KCNK9: variants seen among roughly 807,000 people sequenced by gnomAD.
KCNK9 encodes the protein potassium two pore domain channel subfamily K member 9, also known as potassium channel subfamily K member 9.
Under a neutral mutation model 10.8 loss-of-function variants are expected in KCNK9, and 1 was observed. That is an observed-to-expected ratio of 0.09 (90% CI 0.03 to 0.44). The LOEUF (loss-of-function observed/expected upper bound fraction) is 0.44. Ranked by LOEUF, KCNK9 falls within the 20% of genes least tolerant of loss-of-function variation. The pLI, the probability that KCNK9 is intolerant of heterozygous loss-of-function variation, is 0.97. For synonymous variants in KCNK9, 231 were observed against 222.7 expected, an observed-to-expected ratio of 1.04 and a Z score of -0.33; for missense variants, 303 against 515.0, an observed-to-expected ratio of 0.59 and a Z score of 3.98.
At position 139,618,204 on chromosome 8, in the gene KCNK9, A is replaced by G; in HGVS notation, c.*54T>C. The G allele has an allele frequency of 6.2e-7, 1 of 1,611,070 alleles. No individual in the cohort carries two copies. Among genetic ancestry groups the G allele is most frequent in the South Asian group, 1.1e-5 (1 of 90,930 alleles). ...AAGAAAAGACGAGTTGGACCAATGG[A>G]AATTAACACCAACTATGACAAATGA... is the stretch of plus-strand genomic sequence containing the variant. On this transcript the variant is annotated 3_prime_UTR_variant, in exon 2 of 2. Transcript: ENST00000520439. This position sits in a 1 kb window ranked among gnomAD's most constrained non-coding sequence, Gnocchi z 7.9.
intron 1 of KCNK9, among the ~76,000 whole-genome samples, chr8:139,676,072 G>T (rs752875955): frequency 6.6e-6 from 1 of 152,212 alleles, no homozygotes; most frequent in Non-Finnish European, 1.5e-5. Flanking sequence ...CTAGAGAAGG[G>T]CAGGGCCACA....
chr8:139,622,614 C>G (rs2130114722), intron 1 of KCNK9, among the ~76,000 whole-genome samples: 1 of 152,296 alleles, frequency 6.6e-6, no homozygotes, highest in Non-Finnish European at 1.5e-5. Context: ...TCATTGCTTC[C>G]CCCCAAACCT....
At chr8:139,623,771 A>G (rs1814870174) in intron 1 of KCNK9, among the ~76,000 whole-genome samples, 1 of 152,128 alleles carries the variant, frequency 6.6e-6, no homozygotes, top group Admixed American at 6.5e-5. Flanking sequence ...CTCATCATAA[A>G]GGGGTCACTT....
chr8:139,681,525 C>A (rs551110956), intron 1 of KCNK9, among the ~76,000 whole-genome samples: 5 of 152,346 alleles, frequency 3.3e-5, no homozygotes, highest in South Asian at 2.1e-4. Context: ...CATCTCCTTA[C>A]TTTGAACTTG....
chr8:139,700,512 G>GCA, intron 1 of KCNK9, among the ~76,000 whole-genome samples: 1 of 127,898 alleles, frequency 7.8e-6, no homozygotes, highest in Non-Finnish European at 1.6e-5. Context: ...ACACACACGC[G>GCA]CGCGCGCGCA....
intron 1 of KCNK9, among the ~76,000 whole-genome samples, chr8:139,648,793 C>T (rs984574533): frequency 1.3e-4 from 20 of 152,196 alleles, no homozygotes; most frequent in Non-Finnish European, 1.8e-4. Flanking sequence ...TAGCACCGGA[C>T]GCCAATGACA....
At chr8:139,644,315 T>C (rs1815603823) in intron 1 of KCNK9, among the ~76,000 whole-genome samples, 1 of 152,226 alleles carries the variant, frequency 6.6e-6, no homozygotes, top group East Asian at 1.9e-4. Flanking sequence ...CCTCAGAACA[T>C]TTCTCCTTCC....
At chr8:139,634,148 C>A (rs550302907) in intron 1 of KCNK9, among the ~76,000 whole-genome samples, 1 of 152,372 alleles carries the variant, frequency 6.6e-6, no homozygotes, top group East Asian at 1.9e-4. Context: ...TCAAGGAGCC[C>A]CTACTACTTG....
chr8:139,674,719 C>A (rs998363489), intron 1 of KCNK9, among the ~76,000 whole-genome samples: 20 of 152,202 alleles, frequency 1.3e-4, no homozygotes. Flanking sequence ...GCCACTGGTG[C>A]TGTGACAGGG....
chr8:139,601,176 G>A (rs553385323), exon 3 of KCNK9: 4 of 152,328 alleles, frequency 2.6e-5, no homozygotes, highest in East Asian at 3.9e-4. Context: ...TTCTTGGTTG[G>A]TGAGGCTGAC....
intron 1 of KCNK9, among the ~76,000 whole-genome samples, chr8:139,623,891 C>T (rs544068202): frequency 6.6e-6 from 1 of 152,134 alleles, no homozygotes; most frequent in African/African-American, 2.4e-5. Context: ...GGGGCGCCTC[C>T]GACTGCGGGT....
At chr8:139,644,297 A>G (rs1815602900) in intron 1 of KCNK9, among the ~76,000 whole-genome samples, 1 of 152,330 alleles carries the variant, frequency 6.6e-6, no homozygotes, top group South Asian at 2.1e-4. Flanking sequence ...TGGATATTCA[A>G]CCAACGTCCT....
chr8:139,674,622 C>T (rs531709795), intron 1 of KCNK9, among the ~76,000 whole-genome samples: 4 of 152,344 alleles, frequency 2.6e-5, no homozygotes, highest in Admixed American at 6.5e-5. Context: ...AGGACCCCAG[C>T]CCCCAGTTCT....
chr8:139,614,685 G>T (rs376756797), downstream of KCNK9, among the ~76,000 whole-genome samples: 1 of 152,218 alleles, frequency 6.6e-6, no homozygotes, highest in Non-Finnish European at 1.5e-5. Context: ...CAGGCTGAAG[G>T]CCAACACAGC....
intron 1 of KCNK9, among the ~76,000 whole-genome samples, chr8:139,648,699 G>C (rs1815764971): frequency 6.6e-6 from 1 of 152,248 alleles, no homozygotes; most frequent in South Asian, 2.1e-4. Context: ...CCAGCTGACA[G>C]ATGGGTAAGG....
At chr8:139,642,514 T>C (rs1428586458) in intron 1 of KCNK9, among the ~76,000 whole-genome samples, 1 of 152,204 alleles carries the variant, frequency 6.6e-6, no homozygotes, top group African/African-American at 2.4e-5. Flanking sequence ...AAGGGGACAG[T>C]CCCTGGAGGC....
chr8:139,702,780 C>A lies in KCNK9; in HGVS notation c.213G>T (p.Pro71=), dbSNP rs1475894451. 1 of 1,613,456 alleles carries A rather than the reference C, an allele frequency of 6.2e-7. No homozygotes were observed. The highest frequency in any genetic ancestry group is 8.5e-7 in the Non-Finnish European group (1 of 1,179,828). The change falls in exon 1 of 2, where the codon CCG becomes CCT. Residue 71 remains proline, a synonymous_variant. Transcript: ENST00000520439. This position sits in a 1 kb window ranked among gnomAD's most constrained non-coding sequence, Gnocchi z 7.5. ...ATTTCCACTGGACGCCGGCGCGGTG[C>A]GGTTCCGACTGCAGGATCACCAGCT... is the stretch of plus-strand genomic sequence containing the variant. ...QLELVILQSE[P]HRAGVQWKFA...
intron 1 of KCNK9, among the ~76,000 whole-genome samples, chr8:139,691,099 G>A (rs569069228): frequency 4.6e-5 from 7 of 152,150 alleles, no homozygotes; most frequent in Admixed American, 6.5e-5. Flanking sequence ...AGACTGCTTC[G>A]TGGTACAATG....
intron 1 of KCNK9, among the ~76,000 whole-genome samples, chr8:139,652,214 C>T (rs1228723935): frequency 6.6e-6 from 1 of 152,160 alleles, no homozygotes; most frequent in African/African-American, 2.4e-5. Flanking sequence ...ACACCCACCC[C>T]CAATGCTTCC....
Sources: gnomAD v4.1 joint callset for allele counts (sites outside exome capture counted in the v4.1 genomes callset) on GRCh38, gnomAD v4.1.1 for gene constraint, Gnocchi (gnomAD v3.1) non-coding constraint, MANE v1.5 for transcripts, NCBI Gene and HGNC (gene_info 2026-07-23, HGNC 2026-07-21) for gene names.